The following PRKG1 variants were observed in gnomAD, a reference collection of about 807,000 sequenced individuals.
The protein encoded by PRKG1 is cGMP-dependent protein kinase 1.
Under a neutral mutation model 88.1 loss-of-function variants are expected in PRKG1, and 35 were observed. The ratio of observed to expected loss-of-function variants is 0.40; its 90% CI spans 0.30 to 0.53. The LOEUF is 0.53. Ranked by LOEUF, PRKG1 falls within the 20% of genes least tolerant of loss-of-function variation. PRKG1 has a pLI of 0.59. For missense variants in PRKG1, 540 were observed against 839.8 expected, an observed-to-expected ratio of 0.64 and a Z score of 4.41; for synonymous variants, 303 against 292.5, an observed-to-expected ratio of 1.04 and a Z score of -0.37.
chr10:52,095,630 G>C (rs753568510), intron 7 of PRKG1, among the ~76,000 whole-genome samples: 1 of 152,110 alleles, frequency 6.6e-6, no homozygotes, highest in Admixed American at 6.6e-5. Context: ...ACAATATTAA[G>C]TGAATTTATG....
chr10:51,938,963 G>C (rs899905371), intron 5 of PRKG1, among the ~76,000 whole-genome samples: 2 of 152,012 alleles, frequency 1.3e-5, no homozygotes, highest in Non-Finnish European at 2.9e-5. Context: ...GATAGGGAAA[G>C]GGTATGTGGA....
intron 2 of PRKG1, among the ~76,000 whole-genome samples, chr10:51,279,213 C>T (rs1436066143): frequency 2.6e-5 from 4 of 152,132 alleles, no homozygotes; most frequent in Admixed American, 2.0e-4. Context: ...TTGTTATGTA[C>T]CCAATAGTCA....
At chr10:52,004,037 TA>T (rs1844666893) in intron 5 of PRKG1, among the ~76,000 whole-genome samples, 1 of 152,220 alleles carries the variant, frequency 6.6e-6, no homozygotes, top group African/African-American at 2.4e-5. Context: ...TAATGTTTAG[TA>T]TAGCTTTTTG....
chr10:51,357,448 G>A (rs34119703), intron 2 of PRKG1, among the ~76,000 whole-genome samples: 10,223 of 151,968 alleles, frequency 0.067, 470 homozygotes, highest in Middle Eastern at 0.13. Context: ...CAACAACTGA[G>A]GAGGCTGCAC....
intron 5 of PRKG1, among the ~76,000 whole-genome samples, chr10:51,942,882 A>G (rs917458009): frequency 8.0e-5 from 12 of 150,520 alleles, no homozygotes; most frequent in Non-Finnish European, 1.5e-4. Flanking sequence ...GAAGTCAGGT[A>G]GCATGATGCC....
At chr10:51,014,401 T>C (rs1221691685) in intron 1 of PRKG1, among the ~76,000 whole-genome samples, 1 of 152,160 alleles carries the variant, frequency 6.6e-6, no homozygotes, top group Non-Finnish European at 1.5e-5. Flanking sequence ...TTTGTCTTTA[T>C]TTTTATGAAT....
intron 5 of PRKG1, among the ~76,000 whole-genome samples, chr10:51,997,635 G>C (rs1228286114): frequency 6.6e-6 from 1 of 152,004 alleles, no homozygotes; most frequent in Non-Finnish European, 1.5e-5. Context: ...TAGTTAGCTA[G>C]GTTTATTCAT....
intron 10 of PRKG1, among the ~76,000 whole-genome samples, chr10:52,268,415 G>C (rs1254449337): frequency 6.6e-6 from 1 of 152,012 alleles, no homozygotes; most frequent in African/African-American, 2.4e-5. Flanking sequence ...TCTCCTTGCA[G>C]TATTCAAGCA....
At chr10:51,765,787 GC>G (rs199891051) in intron 3 of PRKG1, among the ~76,000 whole-genome samples, 2 of 113,614 alleles carry the variant, frequency 1.8e-5, no homozygotes, top group Admixed American at 1.7e-4. Flanking sequence ...AGTCTGTTTT[GC>G]CCCTAAGTAT....
Position 51,758,443 on chromosome 10 carries a change from T to C in PRKG1, c.593-46142T>C, listed in dbSNP as rs570928367. 5.3e-5 allele frequency among the ~76,000 whole-genome samples: 8 copies of C among 152,312 alleles called. No individual in the cohort carries two copies. In the South Asian group the frequency reaches 1.7e-3, roughly 32 times the overall value. ...GTTATTGGCCCTCAGAAAATAGAAATTGACCAACAGTCTAAGATGGGATTG... is the reference window on the plus strand; with the variant it reads ...GTTATTGGCCCTCAGAAAATAGAAACTGACCAACAGTCTAAGATGGGATTG... On this transcript the variant is annotated intron_variant, in intron 3 of 17. Coordinates refer to ENST00000373980, the MANE Select transcript of PRKG1 (RefSeq NM_006258.4).
intron 3 of PRKG1, among the ~76,000 whole-genome samples, chr10:51,678,562 G>A (rs572830202): frequency 2.6e-5 from 4 of 152,172 alleles, no homozygotes; most frequent in Admixed American, 2.0e-4. Context: ...ATAGAGCCTG[G>A]TGGTGTTTGG....
intron 5 of PRKG1, among the ~76,000 whole-genome samples, chr10:52,027,726 A>C (rs1307182066): frequency 6.6e-6 from 1 of 152,170 alleles, no homozygotes; most frequent in Non-Finnish European, 1.5e-5. Flanking sequence ...GCAAAAAATA[A>C]ATAATGGATT....
intron 5 of PRKG1, among the ~76,000 whole-genome samples, chr10:51,912,379 C>T (rs977779092): frequency 2.6e-5 from 4 of 152,178 alleles, no homozygotes; most frequent in South Asian, 4.1e-4. Context: ...AGCTGAGTTA[C>T]GTTTTAATAA....
intron 2 of PRKG1, among the ~76,000 whole-genome samples, chr10:51,220,518 G>A (rs768028928): frequency 6.6e-5 from 10 of 151,974 alleles, no homozygotes; most frequent in African/African-American, 2.4e-4. Context: ...AGTCACGAGG[G>A]TGTAAAAAAT....
chr10:51,479,343 G>A (rs1840291541), intron 3 of PRKG1, among the ~76,000 whole-genome samples: 3 of 151,824 alleles, frequency 2.0e-5, no homozygotes, highest in African/African-American at 7.3e-5. Flanking sequence ...TGACATTTTG[G>A]CCTTCATTCT....
chr10:52,139,996 G>A (rs1331948888), intron 8 of PRKG1, among the ~76,000 whole-genome samples: 1 of 152,156 alleles, frequency 6.6e-6, no homozygotes, highest in Non-Finnish European at 1.5e-5. Context: ...GAAGACAGAT[G>A]TGTTTCAATA....
chr10:52,240,275 T>G (rs1484566614), intron 9 of PRKG1, among the ~76,000 whole-genome samples: 6 of 152,134 alleles, frequency 3.9e-5, no homozygotes, highest in Non-Finnish European at 8.8e-5. Context: ...GTCTTCTTCT[T>G]CCTCAGAATG....
At chr10:52,219,059 A>C (rs1840182032) in intron 9 of PRKG1, among the ~76,000 whole-genome samples, 1 of 152,148 alleles carries the variant, frequency 6.6e-6, no homozygotes, top group African/African-American at 2.4e-5. Context: ...AAAGAAGTAC[A>C]TTCCCTTGTG....
chr10:51,717,676 G>T (rs1841918052), intron 3 of PRKG1, among the ~76,000 whole-genome samples: 1 of 151,792 alleles, frequency 6.6e-6, no homozygotes, highest in Non-Finnish European at 1.5e-5. Context: ...CTAAAAATAT[G>T]AAAAAGTTAG....
Sources: allele counts gnomAD v4.1 joint callset (sites outside exome capture counted in the v4.1 genomes callset), GRCh38; gene constraint gnomAD v4.1.1; transcripts MANE v1.5; gene names NCBI Gene and HGNC (gene_info 2026-07-23, HGNC 2026-07-21).